RAD18: variants seen among roughly 807,000 people sequenced by gnomAD.
RAD18 encodes RAD18 E3 ubiquitin protein ligase.
RAD18 carries 47 observed loss-of-function variants against 60.4 expected under a neutral mutation model. The ratio of observed to expected loss-of-function variants is 0.78; its 90% CI spans 0.62 to 0.99. The LOEUF (loss-of-function observed/expected upper bound fraction) is 0.99, where lower values mean the gene tolerates loss of function less well. Ranked by LOEUF, RAD18 falls within the 50% of genes least tolerant of loss-of-function variation. RAD18 has a pLI of 0.00. For missense variants in RAD18, 640 were observed against 593.3 expected (o/e 1.08, Z -0.82); for synonymous variants, 225 against 195.5 (o/e 1.15, Z -1.26).
At chr3:8,914,737 A>C (rs1940166597) in intron 7 of RAD18, among the ~76,000 whole-genome samples, 1 of 152,166 alleles carries the variant, frequency 6.6e-6, no homozygotes. Context: ...TTCCAAAATG[A>C]GTCATGGAAT....
chr3:8,962,761 C>T (rs988391412), intron 1 of RAD18, among the ~76,000 whole-genome samples: 1 of 152,186 alleles, frequency 6.6e-6, no homozygotes, highest in Admixed American at 6.5e-5. Context: ...AAGATCAGCG[C>T]TGAGCCTGAG....
chr3:8,936,189 G>T, intron 6 of RAD18, 134 bp from the exon 7 acceptor site: 2 of 871,058 alleles, frequency 2.3e-6, no homozygotes, highest in Non-Finnish European at 3.3e-6. Flanking sequence ...AAAGGGGAGA[G>T]AAAAATCAAG....
At chr3:8,927,830 T>C (rs917595278) in intron 7 of RAD18, among the ~76,000 whole-genome samples, 2 of 151,660 alleles carry the variant, frequency 1.3e-5, no homozygotes, top group African/African-American at 4.8e-5. Flanking sequence ...AAACACCGCA[T>C]GTTCTCACTC....
intron 4 of RAD18, 117 bp downstream of exon 4, chr3:8,947,103 T>C: frequency 1.3e-6 from 1 of 771,860 alleles, no homozygotes; most frequent in South Asian, 1.9e-5. Context: ...TTACTTCCCT[T>C]CTTTGACTAT....
At chr3:8,934,898 T>C (rs1273742888) in intron 7 of RAD18, among the ~76,000 whole-genome samples, 4 of 152,128 alleles carry the variant, frequency 2.6e-5, no homozygotes, top group Non-Finnish European at 5.9e-5. Context: ...GAAAAAAACA[T>C]GACCATATAA....
chr3:8,901,970 T>C (rs1433983335), intron 10 of RAD18, among the ~76,000 whole-genome samples: 4 of 152,220 alleles, frequency 2.6e-5, no homozygotes, highest in Non-Finnish European at 5.9e-5. Context: ...ACGTGCTCTG[T>C]ATTAGCCTAC....
At chr3:8,932,914 G>A (rs1940584199) in intron 7 of RAD18, among the ~76,000 whole-genome samples, 1 of 152,044 alleles carries the variant, frequency 6.6e-6, no homozygotes, top group Admixed American at 6.6e-5. Flanking sequence ...TGGCCAATAT[G>A]GTGAAACCCC....
Position 8,879,248 on chromosome 3 carries a change from G to T in RAD18, c.*2109C>A, listed in dbSNP as rs1195921677. On this transcript the variant is annotated 3_prime_UTR_variant, in exon 13 of 13. Transcript: ENST00000264926. ...AAATATGTTGGAAGTCTTAACTGCC[G>T]GTATCTCAGAATGTGACAGTATTTA... The T allele has an allele frequency of 6.6e-6, 1 of 152,184 alleles. No individual in the cohort carries two copies. Among genetic ancestry groups the T allele is most frequent in the African/African-American group, 2.4e-5 (1 of 41,512 alleles). 9.4% of individuals were successfully genotyped at this position (152,184 alleles called of 1,614,324 possible).
chr3:8,957,015 T>C (rs9824817), intron 2 of RAD18, among the ~76,000 whole-genome samples: 126 of 152,342 alleles, frequency 8.3e-4, no homozygotes, highest in African/African-American at 2.9e-3. Context: ...AAACTGTCTT[T>C]ATCCACAAAT....
chr3:8,895,073 G>C (rs983020021), intron 11 of RAD18, among the ~76,000 whole-genome samples: 6 of 151,700 alleles, frequency 4.0e-5, no homozygotes, highest in African/African-American at 1.5e-4. Context: ...TTCAAAAATG[G>C]AAAAGATACT....
intron 5 of RAD18, among the ~76,000 whole-genome samples, chr3:8,940,370 T>A (rs936635345): frequency 1.3e-5 from 2 of 152,122 alleles, no homozygotes; most frequent in East Asian, 1.9e-4. Flanking sequence ...GAAAAACAGT[T>A]AACCATCAAG....
At chr3:8,937,737 A>G (rs948831802) in intron 6 of RAD18, among the ~76,000 whole-genome samples, 5 of 152,176 alleles carry the variant, frequency 3.3e-5, no homozygotes, top group Admixed American at 2.0e-4. Flanking sequence ...TAGGATTACT[A>G]AATTAAACAA....
chr3:8,911,846 A>C (rs1940110421), intron 9 of RAD18, among the ~76,000 whole-genome samples: 1 of 152,212 alleles, frequency 6.6e-6, no homozygotes. Flanking sequence ...CCTGGGAAAG[A>C]TATACACGAA....
At chr3:8,890,709 T>C (rs1406106130) in intron 11 of RAD18, among the ~76,000 whole-genome samples, 1 of 152,116 alleles carries the variant, frequency 6.6e-6, no homozygotes. Flanking sequence ...TATTTTCCAC[T>C]AGCCAGGGAG....
intron 7 of RAD18, among the ~76,000 whole-genome samples, chr3:8,925,631 C>T (rs1423709912): frequency 1.3e-5 from 2 of 152,174 alleles, no homozygotes; most frequent in African/African-American, 2.4e-5. Context: ...TAGACCAATA[C>T]CCCTGATGAA....
chr3:8,922,454 G>A (rs1215309260), intron 7 of RAD18, among the ~76,000 whole-genome samples: 2 of 152,234 alleles, frequency 1.3e-5, no homozygotes, highest in African/African-American at 4.8e-5. Context: ...ACAGCTCAAG[G>A]AGGCCTGCCT....
intron 2 of RAD18, among the ~76,000 whole-genome samples, chr3:8,955,992 G>A (rs964433055): frequency 6.6e-6 from 1 of 152,062 alleles, no homozygotes; most frequent in Admixed American, 6.5e-5. Flanking sequence ...TTATTAATAA[G>A]ACACAGTAAG....
At chr3:8,920,079 G>A (rs1022682891) in intron 7 of RAD18, among the ~76,000 whole-genome samples, 4 of 152,154 alleles carry the variant, frequency 2.6e-5, no homozygotes, top group African/African-American at 9.7e-5. Context: ...TCAGGAGATT[G>A]AGACCTTCCT....
At chr3:8,957,249 C>G (rs1941029689) in intron 2 of RAD18, among the ~76,000 whole-genome samples, 1 of 152,140 alleles carries the variant, frequency 6.6e-6, no homozygotes, top group South Asian at 2.1e-4. Flanking sequence ...TCAATTCTCC[C>G]AAATTGATCT....
Sources: gnomAD v4.1 joint callset for allele counts (sites outside exome capture counted in the v4.1 genomes callset) on GRCh38, gnomAD v4.1.1 for gene constraint, MANE v1.5 for transcripts, NCBI Gene and HGNC (gene_info 2026-07-23, HGNC 2026-07-21) for gene names.